Variants in RXFP2 observed in about 807,000 individuals in gnomAD.
RXFP2 encodes relaxin family peptide receptor 2.
Under a neutral mutation model 88.6 loss-of-function variants are expected in RXFP2, and 68 were observed. The ratio of observed to expected loss-of-function variants is 0.77; its 90% CI spans 0.63 to 0.94. The LOEUF (loss-of-function observed/expected upper bound fraction) is 0.94. RXFP2 is among the 40% of genes least tolerant of loss of function. RXFP2 has a pLI of 0.00. For missense variants in RXFP2, 791 were observed against 893.9 expected (o/e 0.88, Z 1.47); for synonymous variants, 329 against 306.8 (o/e 1.07, Z -0.76).
At chr13:31,798,197 G>C (rs1056666982) in intron 17 of RXFP2, among the ~76,000 whole-genome samples, 1 of 152,202 alleles carries the variant, frequency 6.6e-6, no homozygotes, top group Non-Finnish European at 1.5e-5. Flanking sequence ...CCTTATGAAA[G>C]AGTGATGAAT....
chr13:31,765,306 G>T (rs532616733), intron 4 of RXFP2, among the ~76,000 whole-genome samples, 164 bp downstream of exon 4: 1 of 152,252 alleles, frequency 6.6e-6, no homozygotes, highest in South Asian at 2.1e-4. Context: ...GGGAAAAAAT[G>T]GTTTACACAC....
chr13:31,791,869 G>A lies in RXFP2; in HGVS notation c.1209G>A (p.Thr403=), dbSNP rs891975228. ...APHVRICMPL[T]DGISSFEDLL... is the part of the protein sequence containing the mutation. Reference sequence around the variant, plus strand: ...ATGTCCGAATATGTATGCCCTTGACGGACGGCATTTCTTCATTTGAGGACC... The same window carrying A: ...ATGTCCGAATATGTATGCCCTTGACAGACGGCATTTCTTCATTTGAGGACC... Residue 403 remains threonine (T), a synonymous_variant, in exon 15 of 18, where the codon ACG becomes ACA. Transcript: ENST00000298386. 10 of 1,613,942 alleles carry A rather than the reference G, an allele frequency of 6.2e-6. No individual in the cohort carries two copies. The highest frequency in any genetic ancestry group is 1.6e-4 in the Middle Eastern group (1 of 6,084).
rs1871729385 is a variant in RXFP2 at position 31,752,764 on chromosome 13, C to T, written c.95-5494C>T. Among the ~76,000 whole-genome samples the T allele has an allele frequency of 2.0e-5, 3 of 152,202 alleles. No homozygotes were observed. The South Asian group carries it at 6.2e-4, about 32-fold the overall frequency. ...TGATGGAGCTACTTCTCCTTGGCTTCTCAGTGGAGCCGCCCGGGACAGTGC... is the reference window on the plus strand; with the variant it reads ...TGATGGAGCTACTTCTCCTTGGCTTTTCAGTGGAGCCGCCCGGGACAGTGC... On this transcript the variant is annotated intron_variant, in intron 1 of 17. Transcript: ENST00000298386.
chr13:31,787,802 G>A (rs1431824124), intron 13 of RXFP2, among the ~76,000 whole-genome samples: 1 of 152,148 alleles, frequency 6.6e-6, no homozygotes, highest in Non-Finnish European at 1.5e-5. Context: ...GCCATGCCAG[G>A]CTACTTTTTT....
intron 5 of RXFP2, among the ~76,000 whole-genome samples, chr13:31,773,086 C>A (rs964684343): frequency 1.3e-5 from 2 of 152,168 alleles, no homozygotes; most frequent in African/African-American, 4.8e-5. Context: ...TTCATTGCAT[C>A]AGTCTCAAGG....
At chr13:31,771,007 G>C (rs1872717335) in intron 5 of RXFP2, among the ~76,000 whole-genome samples, 1 of 151,778 alleles carries the variant, frequency 6.6e-6, no homozygotes, top group Non-Finnish European at 1.5e-5. Flanking sequence ...ATGTTGAGAA[G>C]AGAGTGAACA....
intron 17 of RXFP2, among the ~76,000 whole-genome samples, chr13:31,800,138 C>T (rs1271322604): frequency 1.3e-5 from 2 of 152,204 alleles, no homozygotes; most frequent in Admixed American, 1.3e-4. Context: ...CCCAGCTTCC[C>T]ATGGCGTTGT....
At chr13:31,744,185 G>A (rs1871318281) in intron 1 of RXFP2, among the ~76,000 whole-genome samples, 1 of 152,064 alleles carries the variant, frequency 6.6e-6, no homozygotes. Context: ...TTGTATCTCT[G>A]TATTACTTCA....
intron 5 of RXFP2, among the ~76,000 whole-genome samples, chr13:31,768,105 T>G (rs553816718): frequency 6.6e-6 from 1 of 152,318 alleles, no homozygotes; most frequent in Non-Finnish European, 1.5e-5. Flanking sequence ...TGAAAAAAGA[T>G]AGAGACTAAC....
intron 1 of RXFP2, among the ~76,000 whole-genome samples, chr13:31,757,965 G>T (rs185357516): frequency 6.6e-6 from 1 of 152,114 alleles, no homozygotes; most frequent in African/African-American, 2.4e-5. Context: ...GGTGGTTCAC[G>T]TCTGTAATCT....
At chr13:31,783,983 A>ATT (rs10686799) in intron 11 of RXFP2, among the ~76,000 whole-genome samples, 37,561 of 121,462 alleles carry the variant, frequency 0.31, 7,164 homozygotes, top group Admixed American at 0.45. Flanking sequence ...TGCCTGGCTA[A>ATT]TTTTTTTTTT....
chr13:31,743,806 T>A (rs9548931), intron 1 of RXFP2, among the ~76,000 whole-genome samples: 2 of 151,788 alleles, frequency 1.3e-5, no homozygotes, highest in African/African-American at 4.8e-5. Context: ...TCTGCTCACC[T>A]TGGGCCTGCT....
chr13:31,777,459 T>C lies in RXFP2; in HGVS notation c.713+12T>C, dbSNP rs1341356029. On this transcript the variant is annotated intron_variant, in intron 8 of 17. Transcript: ENST00000298386. ...TCCTTGTTTTTCCTGTAAGTATTCATCAACCTTTCAATACATCTATCGATA... is the reference window on the plus strand; with the variant it reads ...TCCTTGTTTTTCCTGTAAGTATTCACCAACCTTTCAATACATCTATCGATA... The C allele has an allele frequency of 1.9e-6, 3 of 1,561,244 alleles. No individual in the cohort carries two copies. The highest frequency in any genetic ancestry group is 1.7e-5 in the Admixed American group (1 of 59,554).
At chr13:31,757,265 G>T (rs747763496) in intron 1 of RXFP2, among the ~76,000 whole-genome samples, 2 of 152,120 alleles carry the variant, frequency 1.3e-5, no homozygotes, top group Non-Finnish European at 2.9e-5. Flanking sequence ...GCTAAGGGTG[G>T]GCCTATGGGG....
At chr13:31,791,112 C>A (rs1873770619) in intron 14 of RXFP2, among the ~76,000 whole-genome samples, 1 of 152,182 alleles carries the variant, frequency 6.6e-6, no homozygotes, top group East Asian at 1.9e-4. Context: ...AAATTCTAAA[C>A]ACACAGGTTT....
chr13:31,801,019 AG>A (rs2138474271), intron 17 of RXFP2, among the ~76,000 whole-genome samples: 1 of 152,228 alleles, frequency 6.6e-6, no homozygotes, highest in South Asian at 2.1e-4. Flanking sequence ...AGAAGAAGGA[AG>A]GTCAGATAAG....
rs76286161 is a variant in RXFP2, at chr13:31,752,452, A to G, written c.95-5806A>G. Among the ~76,000 whole-genome samples, 573 of 152,268 alleles carry G rather than the reference A, an allele frequency of 3.8e-3. 5 individuals are homozygous for G. The highest frequency in any genetic ancestry group is 6.1e-3 in the Non-Finnish European group (415 of 68,032). On this transcript the variant is annotated intron_variant, in intron 1 of 17. Coordinates refer to ENST00000298386, the MANE Select transcript of RXFP2 (RefSeq NM_130806.5). ...GGTAAATATGTGTGAATGAAACTGG[A>G]TCAAACTTCTGAATATAACGATTGA...
chr13:31,757,163 A>T (rs186813377), intron 1 of RXFP2, among the ~76,000 whole-genome samples: 1 of 152,206 alleles, frequency 6.6e-6, no homozygotes, highest in African/African-American at 2.4e-5. Flanking sequence ...TCTCTTATGT[A>T]CCCTGCACCA....
Position 31,778,567 on chromosome 13 carries a change from C to A in RXFP2, c.769C>A (p.Pro257Thr). Reference sequence around the variant, plus strand: ...TCCCAAGCAGATGTGTGCCCAAATGCCTCAACTCAACTGGGTGTGAGTATT... The same window carrying A: ...TCCCAAGCAGATGTGTGCCCAAATGACTCAACTCAACTGGGTGTGAGTATT... ...ALPKQMCAQM[P>T]QLNWVDLEGN... Residue 257 changes from proline to threonine, a missense_variant, in exon 9 of 18, where the codon CCT becomes ACT. Pro to Thr is a conservative substitution (Grantham distance 38). Coordinates refer to ENST00000298386, the MANE Select transcript of RXFP2 (RefSeq NM_130806.5). 6.2e-7 allele frequency: 1 copy of A among 1,609,484 alleles called. No homozygotes were observed. The highest frequency in any genetic ancestry group is 8.5e-7 in the Non-Finnish European group (1 of 1,175,946).
Sources: allele counts gnomAD v4.1 joint callset (sites outside exome capture counted in the v4.1 genomes callset), GRCh38; gene constraint gnomAD v4.1.1; transcripts MANE v1.5; gene names NCBI Gene and HGNC (gene_info 2026-07-23, HGNC 2026-07-21).